CLMP: variants seen among roughly 807,000 people sequenced by gnomAD.
CLMP encodes CXADR like cell adhesion molecule.
CLMP carries 27 observed loss-of-function variants against 45.2 expected under a neutral mutation model. The observed-to-expected ratio is 0.60, with a 90% CI of 0.44 to 0.82. The LOEUF (loss-of-function observed/expected upper bound fraction) is 0.82. CLMP is among the 40% of genes least tolerant of loss of function. CLMP has a pLI of 0.00. For missense variants in CLMP, 403 were observed against 448.4 expected, an observed-to-expected ratio of 0.90 and a Z score of 0.91; for synonymous variants, 167 against 171.4, an observed-to-expected ratio of 0.97 and a Z score of 0.20.
chr11:123,107,796 C>T (rs1860581370), intron 1 of CLMP, among the ~76,000 whole-genome samples: 1 of 144,220 alleles, frequency 6.9e-6, no homozygotes. Flanking sequence ...TTTGTGTGCT[C>T]TCTCCTATTT....
chr11:123,187,047 C>T (rs185390249), intron 1 of CLMP, among the ~76,000 whole-genome samples: 10 of 152,282 alleles, frequency 6.6e-5, no homozygotes, highest in South Asian at 2.1e-4. Flanking sequence ...CTATTTATTA[C>T]GTACCAAGCA....
chr11:123,107,014 G>A (rs910415923), intron 1 of CLMP, among the ~76,000 whole-genome samples: 7 of 142,994 alleles, frequency 4.9e-5, no homozygotes, highest in African/African-American at 1.0e-4. Context: ...GCGAGACTCC[G>A]TCTCAAAAAA....
intron 1 of CLMP, among the ~76,000 whole-genome samples, chr11:123,170,613 G>A (rs555025266): frequency 6.6e-6 from 1 of 152,068 alleles, no homozygotes; most frequent in East Asian, 1.9e-4. Flanking sequence ...CTAATTTTTG[G>A]TATTTTTAGT....
At chr11:123,138,493 A>C (rs1176948401) in intron 1 of CLMP, among the ~76,000 whole-genome samples, 1 of 152,090 alleles carries the variant, frequency 6.6e-6, no homozygotes, top group African/African-American at 2.4e-5. Flanking sequence ...GAGGTTTTTA[A>C]AATTTTTTCC....
chr11:123,157,390 A>G (rs1343357799), intron 1 of CLMP, among the ~76,000 whole-genome samples: 1 of 152,178 alleles, frequency 6.6e-6, no homozygotes, highest in East Asian at 1.9e-4. Context: ...CCCCATCTCT[A>G]CTAAAAATAC....
intron 2 of CLMP, among the ~76,000 whole-genome samples, chr11:123,090,426 A>G (rs180828298): frequency 1.6e-4 from 25 of 152,212 alleles, no homozygotes; most frequent in African/African-American, 5.8e-4. Flanking sequence ...GTCTCAAAAA[A>G]AAAAAGAAAA....
intron 2 of CLMP, among the ~76,000 whole-genome samples, chr11:123,097,520 G>C (rs539636705): frequency 9.4e-4 from 142 of 151,662 alleles, no homozygotes; most frequent in Non-Finnish European, 1.7e-3. Flanking sequence ...GTAGAGACAA[G>C]GTTTCACCAT....
chr11:123,107,231 A>G (rs185106667), intron 1 of CLMP, among the ~76,000 whole-genome samples: 2 of 147,838 alleles, frequency 1.4e-5, no homozygotes, highest in African/African-American at 5.0e-5. Context: ...TGGCTAATGA[A>G]ATTTTTTTTT....
intron 1 of CLMP, among the ~76,000 whole-genome samples, chr11:123,149,249 G>A (rs1861278891): frequency 6.6e-6 from 1 of 152,182 alleles, no homozygotes; most frequent in African/African-American, 2.4e-5. Context: ...AGCCTTCAGA[G>A]GAAACACCAC....
rs1386601171 is a variant in CLMP, at chr11:123,119,059, CTCT to C, written c.29-21110_29-21108del. The stretch of plus-strand genomic sequence containing the variant: ...TCTCTCTCTCTCCCTCTCCCTCTCT[CTCT>C]CTCTCTCTCTCTCTCTCTCTCTCTC... On this transcript the variant is annotated intron_variant, in intron 1 of 6. Coordinates refer to ENST00000448775, the MANE Select transcript of CLMP (RefSeq NM_024769.5). Among the ~76,000 whole-genome samples the C allele has an allele frequency of 2.7e-3, 143 of 53,858 alleles. 20 individuals are homozygous for C. The highest frequency in any genetic ancestry group is 0.01 in the African/African-American group (82 of 7,850). The allele number at this position is 53,858 out of a possible 152,430, so 35.3% of individuals were successfully genotyped here. A position where few individuals can be genotyped will look rare whatever the true frequency, so the allele number is the denominator to read the frequency against.
At chr11:123,076,125 A>G (rs1865737132) in intron 5 of CLMP, among the ~76,000 whole-genome samples, 2 of 152,144 alleles carry the variant, frequency 1.3e-5, no homozygotes, top group African/African-American at 4.8e-5. Flanking sequence ...GTGAGCCGAC[A>G]TCATGCTACT....
At chr11:123,148,760 C>G (rs1861272528) in intron 1 of CLMP, among the ~76,000 whole-genome samples, 1 of 152,174 alleles carries the variant, frequency 6.6e-6, no homozygotes. Context: ...CAGTGGGAAG[C>G]TAGTCAATTG....
chr11:123,087,337 CAAAA>C (rs551469410), intron 2 of CLMP, among the ~76,000 whole-genome samples: 1 of 140,578 alleles, frequency 7.1e-6, no homozygotes, highest in Non-Finnish European at 1.6e-5. Context: ...AACTCCGTCT[CAAAA>C]AAAAAAAGAA....
chr11:123,145,492 T>C (rs1032139838), intron 1 of CLMP, among the ~76,000 whole-genome samples: 2 of 146,330 alleles, frequency 1.4e-5, no homozygotes, highest in African/African-American at 5.1e-5. Context: ...GACGGGAGTC[T>C]TGCCCTGTTG....
chr11:123,183,272 C>G (rs1299369136), intron 1 of CLMP, among the ~76,000 whole-genome samples: 1 of 152,016 alleles, frequency 6.6e-6, no homozygotes, highest in African/African-American at 2.4e-5. Context: ...GCTCTGTTGC[C>G]CAGGCTAGAG....
intron 2 of CLMP, among the ~76,000 whole-genome samples, chr11:123,089,249 G>C (rs1435295743): frequency 6.6e-6 from 1 of 151,914 alleles, no homozygotes; most frequent in Non-Finnish European, 1.5e-5. Flanking sequence ...GCCGGGCATG[G>C]TGGCGCATGC....
chr11:123,084,749 A>T (rs975326604), intron 2 of CLMP, 36 bp from the exon 3 acceptor site: 6 of 1,576,868 alleles, frequency 3.8e-6, no homozygotes, highest in Non-Finnish European at 5.2e-6. Context: ...AAGCAGCGTA[A>T]CTCTCAGCCT....
chr11:123,082,890 A>G (rs1467510103), intron 5 of CLMP, among the ~76,000 whole-genome samples, 195 bp downstream of exon 5: 1 of 152,186 alleles, frequency 6.6e-6, no homozygotes, highest in Non-Finnish European at 1.5e-5. Flanking sequence ...TACAGGTGTG[A>G]GCCACTGTGC....
intron 1 of CLMP, among the ~76,000 whole-genome samples, chr11:123,150,476 A>AAAGAAAGG (rs1300746805): frequency 3.3e-5 from 2 of 60,680 alleles, no homozygotes; most frequent in South Asian, 1.1e-3. Flanking sequence ...AGAAAGAAAG[A>AAAGAAAGG]AAGAAAGGAA....
Sources: gnomAD v4.1 joint callset for allele counts (sites outside exome capture counted in the v4.1 genomes callset) on GRCh38, gnomAD v4.1.1 for gene constraint, MANE v1.5 for transcripts, NCBI Gene and HGNC (gene_info 2026-07-23, HGNC 2026-07-21) for gene names.